Variants in BBS9 observed in about 807,000 individuals in gnomAD.
BBS9 encodes the protein protein PTHB1.
In BBS9, 89 loss-of-function variants were observed where a neutral mutation model predicts 117.7. That is an observed-to-expected ratio of 0.76 (90% CI 0.64 to 0.90). The LOEUF is 0.90. Among genes scored for constraint, BBS9 ranks in the 40% least tolerant of loss-of-function variants. The probability of loss-of-function intolerance (pLI) is 0.00; values close to 1 mark genes in which losing one functional copy is unlikely to be tolerated. For synonymous variants in BBS9, 379 were observed against 370.9 expected (o/e 1.02, Z -0.25); for missense variants, 982 against 1,042.2 (o/e 0.94, Z 0.80).
At chr7:33,262,296 T>C (rs1035937218) in intron 6 of BBS9, among the ~76,000 whole-genome samples, 1 of 152,162 alleles carries the variant, frequency 6.6e-6, no homozygotes, top group Non-Finnish European at 1.5e-5. Flanking sequence ...GTTATATATA[T>C]AAGCTTCAAA....
intron 21 of BBS9, among the ~76,000 whole-genome samples, chr7:33,544,071 A>G (rs969430048): frequency 6.6e-6 from 1 of 151,960 alleles, no homozygotes; most frequent in Non-Finnish European, 1.5e-5. Flanking sequence ...TCTTTAAGCT[A>G]TCTATTTCCA....
intron 9 of BBS9, among the ~76,000 whole-genome samples, chr7:33,329,381 G>A (rs534482662): frequency 4.1e-4 from 63 of 152,158 alleles, no homozygotes; most frequent in Admixed American, 3.9e-3. Flanking sequence ...ACTAGTTAGG[G>A]ATAGTCACAT....
chr7:33,341,044 A>G (rs931856438), intron 11 of BBS9, 71 bp downstream of exon 11: 1 of 1,364,726 alleles, frequency 7.3e-7, no homozygotes, highest in African/African-American at 1.4e-5. Flanking sequence ...ACCAAAATGC[A>G]TTGGTTTAAA....
At chr7:33,602,388 A>T (rs575804116) in intron 21 of BBS9, among the ~76,000 whole-genome samples, 1 of 152,144 alleles carries the variant, frequency 6.6e-6, no homozygotes, top group South Asian at 2.1e-4. Context: ...AGTGGCAGAC[A>T]CTCTGGGTGT....
chr7:33,476,338 C>T (rs1841801719), intron 19 of BBS9, among the ~76,000 whole-genome samples: 1 of 152,136 alleles, frequency 6.6e-6, no homozygotes, highest in Non-Finnish European at 1.5e-5. Context: ...TGAGCCATTC[C>T]TCACCCTTCT....
chr7:33,374,946 T>C (rs1268929621), intron 17 of BBS9, among the ~76,000 whole-genome samples: 4 of 151,878 alleles, frequency 2.6e-5, no homozygotes, highest in Non-Finnish European at 4.4e-5. Context: ...GTTTATGTTA[T>C]TTCCTCAACA....
chr7:33,599,804 T>G (rs1863511534), intron 21 of BBS9, among the ~76,000 whole-genome samples: 1 of 152,192 alleles, frequency 6.6e-6, no homozygotes, highest in Non-Finnish European at 1.5e-5. Context: ...ATAACAGCAA[T>G]ATTCCATTGT....
intron 10 of BBS9, among the ~76,000 whole-genome samples, chr7:33,338,056 T>C (rs1218384454): frequency 1.3e-5 from 2 of 152,114 alleles, no homozygotes; most frequent in East Asian, 3.9e-4. Flanking sequence ...GTCATTACCT[T>C]GATCCTTCAG....
chr7:33,365,532 A>G (rs557836703), intron 16 of BBS9, among the ~76,000 whole-genome samples: 6 of 152,304 alleles, frequency 3.9e-5, no homozygotes, highest in African/African-American at 1.4e-4. Flanking sequence ...AGTGGATGCT[A>G]GGGTACTCCC....
chr7:33,592,830 A>G (rs74690867), intron 21 of BBS9, among the ~76,000 whole-genome samples: 6,396 of 152,230 alleles, frequency 0.042, 158 homozygotes, highest in South Asian at 0.056. Context: ...GCAAGAGGGA[A>G]AGCTGTGAAG....
intron 1 of BBS9, among the ~76,000 whole-genome samples, chr7:33,133,606 T>C (rs988393313): frequency 2.0e-5 from 3 of 152,266 alleles, no homozygotes; most frequent in African/African-American, 7.2e-5. Flanking sequence ...TATTTATTTA[T>C]GTTGTAACAT....
chr7:33,403,883 A>T (rs1254040420), intron 19 of BBS9, among the ~76,000 whole-genome samples: 1 of 152,142 alleles, frequency 6.6e-6, no homozygotes, highest in Admixed American at 6.5e-5. Flanking sequence ...TCCCTGAGGA[A>T]TCGCCACACC....
chr7:33,129,362 GGATT>G, upstream of BBS9: 1 of 465,416 alleles, frequency 2.1e-6, no homozygotes, highest in Non-Finnish European at 3.8e-6. Flanking sequence ...ACAGGGCAGA[GGATT>G]GCAGTAATTA....
chr7:33,400,325 A>G (rs943178879), intron 19 of BBS9, among the ~76,000 whole-genome samples: 4 of 152,152 alleles, frequency 2.6e-5, no homozygotes, highest in Non-Finnish European at 5.9e-5. Flanking sequence ...TGGAAATGAA[A>G]ATCTTATCTT....
At chr7:33,406,512 G>T (rs199989907) in intron 19 of BBS9, among the ~76,000 whole-genome samples, 3,885 of 116,412 alleles carry the variant, frequency 0.033, no homozygotes, top group South Asian at 0.087. Context: ...GTTAGTTGAT[G>T]CAGTTTCTTC....
At chr7:33,383,982 C>T (rs943504731) in intron 18 of BBS9, 144 bp downstream of exon 18, 13 of 854,056 alleles carry the variant, frequency 1.5e-5, no homozygotes, top group Admixed American at 5.4e-5. Flanking sequence ...TTCGTGAATC[C>T]ATTCCTGCCC....
chr7:33,297,700 A>G (rs17170173), intron 9 of BBS9, among the ~76,000 whole-genome samples: 18,019 of 152,100 alleles, frequency 0.12, 1,291 homozygotes, highest in African/African-American at 0.2. Flanking sequence ...ATTATATTTT[A>G]TGTAGGAACA....
At chr7:33,627,680 C>T (rs1865706517) in intron 21 of BBS9, among the ~76,000 whole-genome samples, 2 of 152,202 alleles carry the variant, frequency 1.3e-5, no homozygotes, top group Admixed American at 1.3e-4. Context: ...ATATGAGACA[C>T]TTGATATTAT....
At chr7:33,609,690 A>G (rs1864763260), downstream of BBS9, among the ~76,000 whole-genome samples, 2 of 152,092 alleles carry the variant, frequency 1.3e-5, no homozygotes, top group Non-Finnish European at 2.9e-5. Context: ...ATCATATTTT[A>G]TCTCCAACAC....
Sources: gnomAD v4.1 joint callset for allele counts (sites outside exome capture counted in the v4.1 genomes callset) on GRCh38, gnomAD v4.1.1 for gene constraint, MANE v1.5 for transcripts, NCBI Gene and HGNC (gene_info 2026-07-23, HGNC 2026-07-21) for gene names.